TNS3: variants seen among roughly 807,000 people sequenced by gnomAD.
The protein encoded by TNS3 is tensin-3.
In TNS3, 45 loss-of-function variants were observed where a neutral mutation model predicts 140.9. That is an observed-to-expected ratio of 0.32 (90% CI 0.25 to 0.41). The LOEUF is 0.41. Among genes scored for constraint, TNS3 ranks in the 10% least tolerant of loss-of-function variants. The pLI is 1.00. For synonymous variants in TNS3, 815 were observed against 788.4 expected (o/e 1.03, Z -0.56); for missense variants, 1,716 against 1,906.7 (o/e 0.90, Z 1.86).
chr7:47,522,057 G>A (rs1799000364), intron 2 of TNS3, among the ~76,000 whole-genome samples: 1 of 152,186 alleles, frequency 6.6e-6, no homozygotes, highest in Non-Finnish European at 1.5e-5. Flanking sequence ...GGCAGGGCTG[G>A]GGGCCAAAGC....
At chr7:47,333,482 T>G (rs551530943) in intron 20 of TNS3, among the ~76,000 whole-genome samples, 1 of 152,336 alleles carries the variant, frequency 6.6e-6, no homozygotes, top group African/African-American at 2.4e-5. Flanking sequence ...CATATAGGAA[T>G]GCATGTGCTT....
At chr7:47,458,039 C>T (rs564708042) in intron 4 of TNS3, among the ~76,000 whole-genome samples, 1 of 152,342 alleles carries the variant, frequency 6.6e-6, no homozygotes, top group South Asian at 2.1e-4. Context: ...AATCCTAAAA[C>T]CTATTGAGAC....
At chr7:47,344,719 T>G in intron 20 of TNS3, 36 bp downstream of exon 20, 1 of 1,585,336 alleles carries the variant, frequency 6.3e-7, no homozygotes, top group Non-Finnish European at 8.6e-7. Flanking sequence ...AGCGCCTGAG[T>G]GCCGCGCGCC....
intron 20 of TNS3, among the ~76,000 whole-genome samples, chr7:47,338,439 G>A (rs1788756059): frequency 6.6e-6 from 1 of 152,136 alleles, no homozygotes; most frequent in Non-Finnish European, 1.5e-5. Context: ...ATGATGTTGA[G>A]CATCTTTTCA....
At chr7:47,284,474 C>T (rs773319612) in intron 27 of TNS3, among the ~76,000 whole-genome samples, 12 of 152,196 alleles carry the variant, frequency 7.9e-5, no homozygotes, top group Non-Finnish European at 1.5e-4. Context: ...CTGACCATCT[C>T]CTCTTGGGAG....
Position 47,303,002 on chromosome 7 carries a change from T to C in TNS3, c.3405A>G (p.Pro1135=). The part of the protein sequence containing the change: ...HSGSTISIPF[P]NVLPDFSKAS... ...CCTTGGAAAAGTCGGGAAGGACATT[T>C]GGGAAGGGGATACTGATGGTGCTCC... Residue 1135 remains proline (P), a synonymous_variant, in exon 22 of 31, where the codon CCA becomes CCG. Transcript: ENST00000311160. The C allele has an allele frequency of 6.2e-7, 1 of 1,613,360 alleles. No homozygotes were observed. Among genetic ancestry groups the C allele is most frequent in the South Asian group, 1.1e-5 (1 of 91,028 alleles).
chr7:47,564,629 C>T (rs1197575043), intron 1 of TNS3, among the ~76,000 whole-genome samples: 1 of 74,500 alleles, frequency 1.3e-5, no homozygotes, highest in Non-Finnish European at 2.6e-5. Context: ...GAGCAAGACT[C>T]CGTCTCAAAA....
chr7:47,324,609 G>A (rs1472883443), intron 20 of TNS3, among the ~76,000 whole-genome samples: 1 of 152,088 alleles, frequency 6.6e-6, no homozygotes, highest in Non-Finnish European at 1.5e-5. Flanking sequence ...AAAATTAGCC[G>A]TGTGTGGTGG....
chr7:47,524,663 G>A lies in TNS3; in HGVS notation c.-153+4373C>T, dbSNP rs1332821644. Among the ~76,000 whole-genome samples, 12 of 149,674 alleles carry A rather than the reference G, an allele frequency of 8.0e-5. No individual in the cohort carries two copies. In the East Asian group the frequency reaches 2.2e-3, roughly 27 times the overall value. On this transcript the variant is annotated intron_variant, in intron 2 of 30. Transcript: ENST00000311160. Reference sequence around the variant, plus strand: ...TAAAAATACAAAAAATTAGCCGGGCGCGGTGGCGGGCGCCTGTAGTCCCAG... The same window carrying A: ...TAAAAATACAAAAAATTAGCCGGGCACGGTGGCGGGCGCCTGTAGTCCCAG...
At chr7:47,463,717 C>T (rs1022741834) in intron 4 of TNS3, among the ~76,000 whole-genome samples, 8 of 152,036 alleles carry the variant, frequency 5.3e-5, no homozygotes, top group African/African-American at 1.9e-4. Flanking sequence ...AAGAGCTTTG[C>T]TTTGTTCAGT....
intron 20 of TNS3, among the ~76,000 whole-genome samples, chr7:47,312,595 C>T (rs1323945614): frequency 6.6e-6 from 1 of 151,782 alleles, no homozygotes; most frequent in Non-Finnish European, 1.5e-5. Flanking sequence ...CCCAGCTACT[C>T]GGGAGGCTAA....
At position 47,277,363 on chromosome 7, in the gene TNS3, C is replaced by G. The variant is rs1367379425; in HGVS notation, c.*713G>C. 1 of 152,252 alleles carries G rather than the reference C, an allele frequency of 6.6e-6. No individual in the cohort carries two copies. Among genetic ancestry groups the G allele is most frequent in the Non-Finnish European group, 1.5e-5 (1 of 68,236 alleles). 9.4% of individuals were successfully genotyped at this position (152,252 alleles called of 1,614,324 possible). Reference sequence around the variant, plus strand: ...CTCACAGGCTCTCCCCAGCCCAGCTCGCCCAGCTCGCCCAGCTCGCCCAGC... The same window carrying G: ...CTCACAGGCTCTCCCCAGCCCAGCTGGCCCAGCTCGCCCAGCTCGCCCAGC... On this transcript the variant is annotated 3_prime_UTR_variant, in exon 31 of 31. Transcript: ENST00000311160.
intron 4 of TNS3, among the ~76,000 whole-genome samples, chr7:47,469,442 A>G (rs929235146): frequency 2.5e-4 from 38 of 152,364 alleles, no homozygotes; most frequent in African/African-American, 9.1e-4. Context: ...ATGCTTGTAC[A>G]CTGCTAGTGG....
intron 4 of TNS3, among the ~76,000 whole-genome samples, chr7:47,446,581 T>C (rs1795741493): frequency 1.3e-5 from 2 of 151,262 alleles, no homozygotes; most frequent in Admixed American, 6.6e-5. Flanking sequence ...ATCACAGCCT[T>C]CAACACCCAA....
chr7:47,406,974 G>A (rs1240416267), intron 13 of TNS3, among the ~76,000 whole-genome samples: 2 of 152,122 alleles, frequency 1.3e-5, no homozygotes, highest in East Asian at 1.9e-4. Flanking sequence ...GGAGGAATCC[G>A]GTGCTGCTCC....
At chr7:47,389,145 A>C (rs374163142) in intron 16 of TNS3, among the ~76,000 whole-genome samples, 57,870 of 86,708 alleles carry the variant, frequency 0.67, 26,484 homozygotes, top group East Asian at 0.78. Flanking sequence ...GAAGAAGAAG[A>C]AGAAGAAGAA....
chr7:47,413,772 G>A (rs533089012), intron 12 of TNS3, among the ~76,000 whole-genome samples, 165 bp downstream of exon 12: 60 of 152,000 alleles, frequency 3.9e-4, no homozygotes, highest in Middle Eastern at 3.4e-3. Context: ...GCTGGAGCAC[G>A]GGCCACGAGA....
At chr7:47,360,308 A>T (rs747717350) in intron 17 of TNS3, among the ~76,000 whole-genome samples, 2 of 151,988 alleles carry the variant, frequency 1.3e-5, no homozygotes, top group Non-Finnish European at 2.9e-5. Flanking sequence ...TCTAGTCCTG[A>T]CCCCTGGGCA....
At position 47,369,156 on chromosome 7, in the gene TNS3, G is replaced by A. The variant is rs949757871; in HGVS notation, c.1490C>T (p.Ser497Phe). 2 of 1,614,096 alleles carry A rather than the reference G, an allele frequency of 1.2e-6. No individual in the cohort carries two copies. The highest frequency in any genetic ancestry group is 1.7e-6 in the Non-Finnish European group (2 of 1,180,034). The change falls in exon 17 of 31, where the codon TCC becomes TTC. Residue 497 changes from serine (S) to phenylalanine (F), a missense_variant. By Grantham distance (155) the Ser-to-Phe change is radical. Around this residue, in one of 3 missense-constraint regions of TNS3, gnomAD observed 1,163 missense variants for 1,182.1 expected, o/e 0.98. Transcript: ENST00000311160. The stretch of plus-strand genomic sequence containing the variant: ...GGCCGACTGAGGCCCTTCCGAGGAG[G>A]ACAGGGTCCCAAGGCTGTCCACACT... ...LHSVDSLGTL[S>F]SSEGPQSAHL... is the part of the protein sequence containing the mutation.
Sources: gnomAD v4.1 joint callset for allele counts (sites outside exome capture counted in the v4.1 genomes callset) on GRCh38, gnomAD v4.1.1 for gene constraint, gnomAD v4.1.1 regional missense constraint, MANE v1.5 for transcripts, NCBI Gene and HGNC (gene_info 2026-07-23, HGNC 2026-07-21) for gene names.